Variants in ZNF536 observed in about 807,000 individuals in gnomAD.
ZNF536 encodes the protein zinc finger protein 536.
ZNF536 carries 13 observed loss-of-function variants against 84.5 expected under a neutral mutation model. The observed-to-expected ratio is 0.15, with a 90% confidence interval of 0.10 to 0.24. The LOEUF is 0.24. ZNF536 is among the 10% of genes least tolerant of loss of function. The pLI, the probability that ZNF536 is intolerant of heterozygous loss-of-function variation, is 1.00. For missense variants in ZNF536, 1,536 were observed against 1,747.5 expected, an observed-to-expected ratio of 0.88 and a Z score of 2.16; for synonymous variants, 811 against 742.5, an observed-to-expected ratio of 1.09 and a Z score of -1.50.
intron 1 of ZNF536, among the ~76,000 whole-genome samples, chr19:30,642,110 C>T (rs1424211656): frequency 6.6e-6 from 1 of 152,114 alleles, no homozygotes; most frequent in African/African-American, 2.4e-5. Context: ...GAACCGAATC[C>T]TATTTTAGAT....
At chr19:30,482,218 C>T (rs1442124960) in intron 2 of ZNF536, among the ~76,000 whole-genome samples, 2 of 152,066 alleles carry the variant, frequency 1.3e-5, no homozygotes, top group Non-Finnish European at 2.9e-5. Context: ...ACTGCTAGGT[C>T]GAATGGTAGA....
intron 2 of ZNF536, among the ~76,000 whole-genome samples, chr19:30,461,378 G>A (rs986166812): frequency 6.6e-6 from 1 of 152,210 alleles, no homozygotes; most frequent in Non-Finnish European, 1.5e-5. Flanking sequence ...AGGACAGGCT[G>A]CAGGGAGGTC....
intron 1 of ZNF536, among the ~76,000 whole-genome samples, chr19:30,425,292 A>G (rs2051164317): frequency 6.6e-6 from 1 of 151,696 alleles, no homozygotes; most frequent in Non-Finnish European, 1.5e-5. Context: ...GGCAGGGAGA[A>G]GGCTGGAAGG....
intron 2 of ZNF536, among the ~76,000 whole-genome samples, chr19:30,285,344 G>T (rs2045589780): frequency 6.6e-6 from 1 of 152,130 alleles, no homozygotes; most frequent in African/African-American, 2.4e-5. Context: ...ACATCTGTAG[G>T]CCCTGTTGTG....
At chr19:30,400,216 G>A (rs1270297683) in intron 1 of ZNF536, among the ~76,000 whole-genome samples, 1 of 151,966 alleles carries the variant, frequency 6.6e-6, no homozygotes, top group Non-Finnish European at 1.5e-5. Context: ...GTGAACGTAA[G>A]TTTATTTTTC....
At chr19:30,564,757 A>G (rs1038557621) in intron 1 of ZNF536, among the ~76,000 whole-genome samples, 2 of 152,198 alleles carry the variant, frequency 1.3e-5, no homozygotes, top group Admixed American at 6.5e-5. Flanking sequence ...TTGCACTGAG[A>G]CAGATGTTGT....
intron 1 of ZNF536, among the ~76,000 whole-genome samples, chr19:30,622,647 T>C (rs932194614): frequency 6.6e-6 from 1 of 152,226 alleles, no homozygotes; most frequent in Non-Finnish European, 1.5e-5. Context: ...TATCTGGGGA[T>C]GCTTTTTATA....
At chr19:30,452,245 C>G (rs2052641433) in intron 2 of ZNF536, among the ~76,000 whole-genome samples, 1 of 152,250 alleles carries the variant, frequency 6.6e-6, no homozygotes, top group African/African-American at 2.4e-5. Context: ...CTGGGGCAGC[C>G]TCTGCATAGA....
chr19:30,278,805 C>T (rs951749076), intron 1 of ZNF536, among the ~76,000 whole-genome samples: 7 of 152,212 alleles, frequency 4.6e-5, no homozygotes, highest in Admixed American at 6.5e-5. Context: ...GCAGCCTCCC[C>T]CATGGGTCCC....
At chr19:30,610,149 A>G (rs2048053496) in intron 1 of ZNF536, among the ~76,000 whole-genome samples, 1 of 152,266 alleles carries the variant, frequency 6.6e-6, no homozygotes, top group African/African-American at 2.4e-5. Context: ...TTTCTAGTGG[A>G]AGTAACAAGC....
rs757869741 is a variant in ZNF536 at position 30,548,624 on chromosome 19, G to C, written c.3005G>C (p.Gly1002Ala). Residue 1002 changes from glycine (G) to alanine (A), a missense_variant, in exon 4 of 5, where the codon GGC becomes GCC. Physicochemically the swap from Gly to Ala is moderately conservative, Grantham distance 60 (BLOSUM62 0). Coordinates refer to ENST00000355537, the MANE Select transcript of ZNF536 (RefSeq NM_014717.3). ...VTVQDSIAWH[G>A]CLFCAFTTSS... is the part of the protein sequence containing the mutation. ...GTGCAGGACAGCATTGCATGGCACGGCTGCTTGTTTTGTGCTTTCACAACG... is the reference window on the plus strand; with the variant it reads ...GTGCAGGACAGCATTGCATGGCACGCCTGCTTGTTTTGTGCTTTCACAACG... 2 of 1,614,006 alleles carry C rather than the reference G, an allele frequency of 1.2e-6. No individual in the cohort carries two copies. The highest frequency in any genetic ancestry group is 8.5e-7 in the Non-Finnish European group (1 of 1,180,038).
chr19:30,346,290 C>A (rs2047740934), intron 2 of ZNF536, among the ~76,000 whole-genome samples: 1 of 152,170 alleles, frequency 6.6e-6, no homozygotes, highest in African/African-American at 2.4e-5. Flanking sequence ...GAAACGCTGA[C>A]AAATCATATA....
chr19:30,314,809 C>G (rs982342649), intron 2 of ZNF536, among the ~76,000 whole-genome samples: 1 of 152,080 alleles, frequency 6.6e-6, no homozygotes, highest in Non-Finnish European at 1.5e-5. Flanking sequence ...GGTGATCGCA[C>G]CCAACCCCTC....
chr19:30,226,456 C>G (rs530884336), upstream of ZNF536, among the ~76,000 whole-genome samples: 1 of 151,876 alleles, frequency 6.6e-6, no homozygotes, highest in Non-Finnish European at 1.5e-5. The surrounding 1 kb of genome is among the most constrained non-coding windows in gnomAD (Gnocchi z 4.6). Flanking sequence ...TTGCGGGCGC[C>G]GAGAGCCGCT....
downstream of ZNF536, among the ~76,000 whole-genome samples, chr19:30,560,213 CTG>C (rs2046111819): frequency 6.6e-6 from 1 of 152,010 alleles, no homozygotes; most frequent in South Asian, 2.1e-4. Context: ...ATTCTGTTTC[CTG>C]TGTGTTCCTT....
At chr19:30,239,398 G>A (rs543141027) in intron 1 of ZNF536, among the ~76,000 whole-genome samples, 17 of 152,318 alleles carry the variant, frequency 1.1e-4, no homozygotes, top group African/African-American at 3.6e-4. Context: ...GCTGGGCTCC[G>A]TCTGAACGGA....
rs760383470 is a variant in ZNF536, at chr19:30,445,572, G to A, written c.2010G>A (p.Glu670=). Reference sequence around the variant, plus strand: ...ATGGGCTGCACGTGGGCCTGGATGAGCGGCGTGGCTCGGGCAGTGACCAGG... The same window carrying A: ...ATGGGCTGCACGTGGGCCTGGATGAACGGCGTGGCTCGGGCAGTGACCAGG... ...EEDGLHVGLD[E]RRGSGSDQES... Residue 670 remains glutamate, a synonymous_variant, in exon 2 of 5, where the codon GAG becomes GAA. Coordinates refer to ENST00000355537, the MANE Select transcript of ZNF536 (RefSeq NM_014717.3). The surrounding 1 kb of genome is among the most constrained non-coding windows in gnomAD (Gnocchi z 4.5). 4 of 1,613,378 alleles carry A rather than the reference G, an allele frequency of 2.5e-6. No homozygotes were observed. Among genetic ancestry groups the A allele is most frequent in the South Asian group, 1.1e-5 (1 of 91,022 alleles).
chr19:30,488,868 T>C (rs1321459025), intron 2 of ZNF536, among the ~76,000 whole-genome samples: 2 of 152,244 alleles, frequency 1.3e-5, no homozygotes, highest in Non-Finnish European at 2.9e-5. Flanking sequence ...ATGGCTTTTA[T>C]AGTATTCTTA....
chr19:30,248,396 AT>A (rs34048586), intron 1 of ZNF536, among the ~76,000 whole-genome samples: 6,027 of 133,878 alleles, frequency 0.045, 263 homozygotes, highest in African/African-American at 0.12. Flanking sequence ...TGCCCTGCTA[AT>A]TTTTTTTTTT....
Sources: allele counts gnomAD v4.1 joint callset (sites outside exome capture counted in the v4.1 genomes callset), GRCh38; gene constraint gnomAD v4.1.1; non-coding constraint Gnocchi (gnomAD v3.1); transcripts MANE v1.5; gene names NCBI Gene and HGNC (gene_info 2026-07-23, HGNC 2026-07-21).